Variants in FAM222A observed in about 807,000 individuals in gnomAD.
The protein encoded by FAM222A is protein FAM222A.
In FAM222A, 7 loss-of-function variants were observed where a neutral mutation model predicts 25.8. That is an observed-to-expected ratio of 0.27 (90% CI 0.15 to 0.51). The LOEUF (loss-of-function observed/expected upper bound fraction) is 0.51. Ranked by LOEUF, FAM222A falls within the 20% of genes least tolerant of loss-of-function variation. FAM222A has a pLI of 0.97. For synonymous variants in FAM222A, 294 were observed against 298.8 expected (o/e 0.98, Z 0.17); for missense variants, 573 against 640.5 (o/e 0.89, Z 1.14).
intron 1 of FAM222A, among the ~76,000 whole-genome samples, chr12:109,737,041 G>C (rs1888105035): frequency 6.6e-6 from 1 of 152,146 alleles, no homozygotes; most frequent in Admixed American, 6.5e-5. Context: ...AGCCACATGG[G>C]ACTCCAGTCA....
At chr12:109,743,963 G>T (rs574715029) in intron 1 of FAM222A, 138 bp from the exon 2 acceptor site, 3 of 1,407,842 alleles carry the variant, frequency 2.1e-6, no homozygotes, top group African/African-American at 2.9e-5. Flanking sequence ...CCCCTCATTG[G>T]TCGAATAAGG....
intron 1 of FAM222A, among the ~76,000 whole-genome samples, chr12:109,742,596 T>A (rs1888275958): frequency 1.4e-5 from 2 of 141,768 alleles, no homozygotes; most frequent in Non-Finnish European, 1.5e-5. Flanking sequence ...TCCTCCACTC[T>A]CTCTCTCTCT....
At chr12:109,766,632 G>A (rs1259541237) in intron 2 of FAM222A, among the ~76,000 whole-genome samples, 1 of 152,232 alleles carries the variant, frequency 6.6e-6, no homozygotes, top group Non-Finnish European at 1.5e-5. Flanking sequence ...AAGGCATACG[G>A]AGGATAAAAG....
chr12:109,757,387 G>C (rs1176131247), intron 2 of FAM222A, among the ~76,000 whole-genome samples: 1 of 152,192 alleles, frequency 6.6e-6, no homozygotes, highest in African/African-American at 2.4e-5. Flanking sequence ...AGTTGAGACA[G>C]TGGGATCAGC....
At chr12:109,726,119 T>TAA (rs11464580) in intron 1 of FAM222A, among the ~76,000 whole-genome samples, 2,981 of 110,300 alleles carry the variant, frequency 0.027, 106 homozygotes, top group African/African-American at 0.08. Flanking sequence ...AAAAAATTGC[T>TAA]AAAAAAAAAA....
rs1889191223 is a variant in FAM222A, at chr12:109,769,803, C to T, written c.*515C>T. ...CACTGGGCCCAAAGTGTCTCCCCAC[C>T]AGCCAGGTGAAGACCACTCTGACAG... On this transcript the variant is annotated 3_prime_UTR_variant, in exon 3 of 3. Coordinates refer to ENST00000538780, the MANE Select transcript of FAM222A (RefSeq NM_032829.3). The T allele has an allele frequency of 6.1e-6, 1 of 162,940 alleles. No homozygotes were observed. The highest frequency in any genetic ancestry group is 2.4e-5 in the African/African-American group (1 of 41,572). 10.1% of individuals were successfully genotyped at this position (162,940 alleles called of 1,614,324 possible). A position where few individuals can be genotyped will look rare whatever the true frequency, so the allele number is the denominator to read the frequency against.
At chr12:109,720,025 C>T in intron 1 of FAM222A, 1 of 914,474 alleles carries the variant, frequency 1.1e-6, no homozygotes, top group South Asian at 5.0e-5. Context: ...AGAGTCTCAA[C>T]AGCTTTCTCA....
At chr12:109,736,738 C>T (rs945530058) in intron 1 of FAM222A, among the ~76,000 whole-genome samples, 3 of 152,190 alleles carry the variant, frequency 2.0e-5, no homozygotes, top group East Asian at 1.9e-4. Flanking sequence ...GGAGGCACAT[C>T]GCAGTTGTCA....
intron 1 of FAM222A, among the ~76,000 whole-genome samples, chr12:109,730,176 T>C (rs139433112): frequency 6.6e-6 from 1 of 152,320 alleles, no homozygotes; most frequent in Non-Finnish European, 1.5e-5. Context: ...CTCTCCTCCT[T>C]ACCCTACAGG....
intron 1 of FAM222A, among the ~76,000 whole-genome samples, chr12:109,716,325 G>A (rs1352070125): frequency 2.6e-5 from 4 of 152,168 alleles, no homozygotes; most frequent in Non-Finnish European, 5.9e-5. Flanking sequence ...CTAGGAAAAG[G>A]TTCGAAAACT....
chr12:109,716,303 G>A (rs1259408627), intron 1 of FAM222A, among the ~76,000 whole-genome samples: 1 of 152,176 alleles, frequency 6.6e-6, no homozygotes, highest in African/African-American at 2.4e-5. Context: ...TGAAACTGCT[G>A]TGATCACATT....
At chr12:109,767,938 G>T in intron 2 of FAM222A, 74 bp from the exon 3 acceptor site, 2 of 1,414,270 alleles carry the variant, frequency 1.4e-6, no homozygotes, top group East Asian at 2.3e-5. Flanking sequence ...TGGAGGGGGC[G>T]GGACTCGTGA....
rs1286319469 is a variant in FAM222A at position 109,744,201 on chromosome 12, C to T, written c.55C>T (p.Pro19Ser). 6.2e-7 allele frequency: 1 copy of T among 1,613,406 alleles called. No individual in the cohort carries two copies. The highest frequency in any genetic ancestry group is 8.5e-7 in the Non-Finnish European group (1 of 1,179,996). ...CGCCCCGGGCCAACACCTGGCCTGC[C>T]CGAGCAAGAGCCTGGAGCTGCGCAA... Reference protein sequence around the residue: ...QNAPGQHLACPSKSLELRKCE... With the variant: ...QNAPGQHLACSSKSLELRKCE... The change falls in exon 2 of 3, where the codon CCG becomes TCG. Residue 19 changes from proline (P) to serine (S), a missense_variant. Coordinates refer to ENST00000538780, the MANE Select transcript of FAM222A (RefSeq NM_032829.3).
chr12:109,759,103 C>T (rs568546129), intron 2 of FAM222A, among the ~76,000 whole-genome samples: 3 of 152,278 alleles, frequency 2.0e-5, no homozygotes, highest in South Asian at 4.1e-4. Context: ...AACCTAGGAC[C>T]GCAGGGGGAT....
chr12:109,716,672 G>A (rs767769907), intron 1 of FAM222A, among the ~76,000 whole-genome samples: 1 of 152,196 alleles, frequency 6.6e-6, no homozygotes, highest in East Asian at 1.9e-4. Context: ...CGGAGTGCGC[G>A]CCAGAGATTC....
intron 1 of FAM222A, chr12:109,743,852 G>C: frequency 4.1e-6 from 4 of 985,412 alleles, no homozygotes; most frequent in Non-Finnish European, 4.8e-6. Context: ...AGCAGGGCCG[G>C]GGCATGTGTG....
chr12:109,747,857 A>AATG lies in FAM222A; in HGVS notation c.82+3632_82+3634dup, dbSNP rs1265649498. ...CAGTTATACTATCATATGATTTACAAATGATAAATTTACCCCCTATTTTGT... is the reference window on the plus strand; with the variant it reads ...CAGTTATACTATCATATGATTTACAAATGATGATAAATTTACCCCCTATTTTGT... On this transcript the variant is annotated intron_variant, in intron 2 of 2. Coordinates refer to ENST00000538780, the MANE Select transcript of FAM222A (RefSeq NM_032829.3). Among the ~76,000 whole-genome samples the AATG allele has an allele frequency of 2.0e-5, 3 of 152,330 alleles. No individual in the cohort carries two copies. In the East Asian group the frequency reaches 5.8e-4, roughly 29 times the overall value.
chr12:109,731,449 C>T (rs1012598386), intron 1 of FAM222A, among the ~76,000 whole-genome samples: 1 of 152,194 alleles, frequency 6.6e-6, no homozygotes, highest in African/African-American at 2.4e-5. Flanking sequence ...AATCCTCTTC[C>T]TCTCGGAGCC....
intron 1 of FAM222A, among the ~76,000 whole-genome samples, chr12:109,726,762 G>A (rs1711846214): frequency 6.6e-6 from 1 of 152,178 alleles, no homozygotes; most frequent in Non-Finnish European, 1.5e-5. Context: ...GGGTCCGCCT[G>A]GCTTCCAGGG....
Sources: gnomAD v4.1 joint callset for allele counts (sites outside exome capture counted in the v4.1 genomes callset) on GRCh38, gnomAD v4.1.1 for gene constraint, MANE v1.5 for transcripts, NCBI Gene and HGNC (gene_info 2026-07-23, HGNC 2026-07-21) for gene names.